The following COL25A1 variants were observed in gnomAD, a reference collection of about 807,000 sequenced individuals.
COL25A1 encodes collagen type XXV alpha 1 chain.
In COL25A1, 103 loss-of-function variants were observed where a neutral mutation model predicts 128.4. The ratio of observed to expected loss-of-function variants is 0.80; its 90% confidence interval spans 0.68 to 0.94. The LOEUF is 0.94. COL25A1 is among the 40% of genes least tolerant of loss of function. COL25A1 has a pLI of 0.00. For synonymous variants in COL25A1, 279 were observed against 277.2 expected (o/e 1.01, Z -0.06); for missense variants, 745 against 840.0 (o/e 0.89, Z 1.40).
At chr4:109,297,262 T>A (rs1021229274) in intron 3 of COL25A1, among the ~76,000 whole-genome samples, 1 of 152,174 alleles carries the variant, frequency 6.6e-6, no homozygotes, top group African/African-American at 2.4e-5. Context: ...TGCCCAACTC[T>A]ATTAATCTGT....
At chr4:109,280,201 C>A (rs1723234573) in intron 3 of COL25A1, among the ~76,000 whole-genome samples, 1 of 152,152 alleles carries the variant, frequency 6.6e-6, no homozygotes, top group Admixed American at 6.6e-5. Flanking sequence ...GTGTGCATTA[C>A]TATATGTTCA....
At chr4:109,242,456 G>A (rs890873064) in intron 3 of COL25A1, among the ~76,000 whole-genome samples, 1 of 152,054 alleles carries the variant, frequency 6.6e-6, no homozygotes, top group African/African-American at 2.4e-5. Context: ...GTCAAATTAT[G>A]AATGGTTGTT....
intron 35 of COL25A1, chr4:108,820,010 C>G: frequency 2.4e-6 from 1 of 423,500 alleles, no homozygotes; most frequent in Non-Finnish European, 4.0e-6. Context: ...CCACTGTTTT[C>G]TGATTTAGGT....
At chr4:108,862,432 G>T in intron 22 of COL25A1, 69 bp downstream of exon 22, 2 of 1,197,688 alleles carry the variant, frequency 1.7e-6, no homozygotes, top group Non-Finnish European at 2.5e-6. Flanking sequence ...ACATGCCTCT[G>T]TGGCAAAGGC....
chr4:108,838,424 G>A (rs150756282), intron 31 of COL25A1, among the ~76,000 whole-genome samples: 1 of 152,030 alleles, frequency 6.6e-6, no homozygotes, highest in Admixed American at 6.6e-5. Flanking sequence ...AATATGTATG[G>A]TTGAATTCCT....
chr4:109,295,418 A>G (rs556818077), intron 3 of COL25A1, among the ~76,000 whole-genome samples: 1 of 152,202 alleles, frequency 6.6e-6, no homozygotes, highest in South Asian at 2.1e-4. Flanking sequence ...ATAAGAAGAG[A>G]GGAATGCCTG....
chr4:108,875,953 A>G (rs996776092), intron 19 of COL25A1, among the ~76,000 whole-genome samples: 29 of 152,154 alleles, frequency 1.9e-4, no homozygotes, highest in African/African-American at 6.5e-4. Context: ...TCAGCAAACT[A>G]TCATAAGGAC....
chr4:109,097,485 C>A (rs1162598076), intron 3 of COL25A1, among the ~76,000 whole-genome samples: 2 of 149,832 alleles, frequency 1.3e-5, no homozygotes, highest in African/African-American at 4.9e-5. Context: ...TGGTCACACG[C>A]ACCTGTAGTC....
chr4:108,968,774 T>G (rs894369775), intron 8 of COL25A1, among the ~76,000 whole-genome samples: 7 of 152,178 alleles, frequency 4.6e-5, no homozygotes, highest in Non-Finnish European at 1.0e-4. Context: ...TGTTACACTA[T>G]TCCAATGAAA....
At chr4:108,987,263 A>T (rs961810545) in intron 6 of COL25A1, among the ~76,000 whole-genome samples, 16 of 145,328 alleles carry the variant, frequency 1.1e-4, no homozygotes, top group Non-Finnish European at 2.5e-4. Context: ...TCTCAAAATG[A>T]CCCTCTGTCT....
At chr4:108,831,365 T>G (rs1194110837) in intron 32 of COL25A1, among the ~76,000 whole-genome samples, 1 of 152,082 alleles carries the variant, frequency 6.6e-6, no homozygotes, top group Admixed American at 6.6e-5. Context: ...GGTAAATATT[T>G]CCTGAATGAA....
intron 5 of COL25A1, among the ~76,000 whole-genome samples, chr4:109,032,855 G>A (rs770029069): frequency 4.6e-5 from 7 of 152,152 alleles, no homozygotes; most frequent in Non-Finnish European, 8.8e-5. Flanking sequence ...CAGCATGCTC[G>A]GAGTCTACTG....
At chr4:108,907,069 G>A (rs1743617096) in intron 13 of COL25A1, among the ~76,000 whole-genome samples, 1 of 152,204 alleles carries the variant, frequency 6.6e-6, no homozygotes, top group Non-Finnish European at 1.5e-5. Flanking sequence ...AAAGATGGGA[G>A]AAATGTTAAC....
intron 3 of COL25A1, among the ~76,000 whole-genome samples, chr4:109,167,766 C>T (rs759706658): frequency 4.6e-5 from 7 of 152,056 alleles, no homozygotes; most frequent in Non-Finnish European, 8.8e-5. Context: ...GAAGAAAAGA[C>T]TAGCATTGAA....
At chr4:109,257,306 C>T (rs1183189676) in intron 3 of COL25A1, among the ~76,000 whole-genome samples, 1 of 152,162 alleles carries the variant, frequency 6.6e-6, no homozygotes, top group African/African-American at 2.4e-5. Flanking sequence ...ATTATTACAT[C>T]TCTTTGTAGT....
In COL25A1 at chr4:109,266,899, A is replaced by G. The variant is rs183298187; in HGVS notation, c.367+33684T>C. Among the ~76,000 whole-genome samples, 26 of 152,268 alleles carry G rather than the reference A, an allele frequency of 1.7e-4. 1 individual carries two copies. The highest frequency in any genetic ancestry group is 1.4e-3 in the Admixed American group (21 of 15,296). ...CCAAGTTATTCTGCTTTATGTCTTA[A>G]TCAGATTAAACTGCATCACTTGAAT... On this transcript the variant is annotated intron_variant, in intron 3 of 37. Coordinates refer to ENST00000399132, the MANE Select transcript of COL25A1 (RefSeq NM_198721.4).
chr4:109,100,994 G>T (rs1050096906), intron 3 of COL25A1, among the ~76,000 whole-genome samples: 1 of 152,112 alleles, frequency 6.6e-6, no homozygotes, highest in South Asian at 2.1e-4. Flanking sequence ...GCTATTTCTG[G>T]TCTCAGAATT....
chr4:109,185,494 C>A (rs1775051957), intron 3 of COL25A1, among the ~76,000 whole-genome samples: 1 of 152,164 alleles, frequency 6.6e-6, no homozygotes. Flanking sequence ...TAAATTTATT[C>A]TGCTATTCAA....
In COL25A1 at chr4:109,235,547, T is replaced by TACACACACAC. The variant is rs58377954; in HGVS notation, c.367+65026_367+65035dup. ...CAACAAACATACACCCACACACGAA[T>TACACACACAC]ACACACACACACACACACAGCCCCT... On this transcript the variant is annotated intron_variant, in intron 3 of 37. Coordinates refer to ENST00000399132, the MANE Select transcript of COL25A1 (RefSeq NM_198721.4). 7.1e-3 allele frequency among the ~76,000 whole-genome samples: 1,062 copies of TACACACACAC among 150,024 alleles called. 18 individuals carry two copies. Among genetic ancestry groups the TACACACACAC allele is most frequent in the African/African-American group, 0.025 (1,004 of 40,878 alleles).
Sources: gnomAD v4.1 joint callset for allele counts (sites outside exome capture counted in the v4.1 genomes callset) on GRCh38, gnomAD v4.1.1 for gene constraint, MANE v1.5 for transcripts, NCBI Gene and HGNC (gene_info 2026-07-23, HGNC 2026-07-21) for gene names.